The following CACNG2 variants were observed in gnomAD, a reference collection of about 807,000 sequenced individuals.
CACNG2 encodes the protein calcium voltage-gated channel auxiliary subunit gamma 2, also known as voltage-dependent calcium channel gamma-2 subunit.
Under a neutral mutation model 25.9 loss-of-function variants are expected in CACNG2, and 3 were observed. That is an observed-to-expected ratio of 0.12 (90% confidence interval 0.05 to 0.30). The LOEUF (loss-of-function observed/expected upper bound fraction) is 0.30, where lower values mean the gene tolerates loss of function less well. CACNG2 is among the 10% of genes least tolerant of loss of function. The pLI is 1.00. For missense variants in CACNG2, 341 were observed against 432.5 expected (o/e 0.79, Z 1.88); for synonymous variants, 167 against 173.3 (o/e 0.96, Z 0.29).
intron 1 of CACNG2, among the ~76,000 whole-genome samples, chr22:36,605,259 G>C (rs1935813468): frequency 6.6e-6 from 1 of 152,054 alleles, no homozygotes; most frequent in African/African-American, 2.4e-5. Flanking sequence ...GTTTTTAGTA[G>C]AGATGGGGTT....
chr22:36,693,141 G>A (rs758215087), intron 1 of CACNG2, among the ~76,000 whole-genome samples: 1 of 152,108 alleles, frequency 6.6e-6, no homozygotes, highest in Non-Finnish European at 1.5e-5. Context: ...GCGAGACTCT[G>A]TCTAAAAAAA....
intron 2 of CACNG2, among the ~76,000 whole-genome samples, chr22:36,572,898 G>A (rs113000747): frequency 3.0e-4 from 45 of 152,302 alleles, no homozygotes; most frequent in African/African-American, 9.6e-4. Flanking sequence ...AGTGCCCACC[G>A]CTGTGCTAGA....
chr22:36,697,909 T>C (rs1937360679), intron 1 of CACNG2, among the ~76,000 whole-genome samples: 1 of 152,204 alleles, frequency 6.6e-6, no homozygotes, highest in Non-Finnish European at 1.5e-5. Context: ...ATCAATTGGA[T>C]ATTTTTTTTC....
intron 2 of CACNG2, among the ~76,000 whole-genome samples, chr22:36,583,746 C>G (rs1002828572): frequency 6.6e-5 from 10 of 152,124 alleles, no homozygotes; most frequent in African/African-American, 2.4e-4. Flanking sequence ...CCTGGGCTCC[C>G]TGCCTCTGTT....
chr22:36,647,363 G>A (rs950610040), intron 1 of CACNG2, among the ~76,000 whole-genome samples: 6 of 152,046 alleles, frequency 3.9e-5, no homozygotes, highest in African/African-American at 1.4e-4. Flanking sequence ...TGGGAGGCCA[G>A]GGCAGGTGGA....
rs759580928 is a variant in CACNG2, at chr22:36,608,702, CT to C, written c.212-21155del. On this transcript the variant is annotated intron_variant, in intron 1 of 3. Coordinates refer to ENST00000300105, the MANE Select transcript of CACNG2 (RefSeq NM_006078.5). Reference sequence around the variant, plus strand: ...TTGCCTTGGGCAAATTCCTCAACATCTTTTTTTTTTTTTCAAATGAACCTGA... The same window carrying C: ...TTGCCTTGGGCAAATTCCTCAACATCTTTTTTTTTTTTCAAATGAACCTGA... Among the ~76,000 whole-genome samples the C allele has an allele frequency of 2.2e-3, 313 of 142,248 alleles. 1 individual carries two copies. Among genetic ancestry groups the C allele is most frequent in the East Asian group, 3.0e-3 (15 of 4,924 alleles). The allele number at this position is 142,248 out of a possible 152,430, so 93.3% of individuals were successfully genotyped here.
Position 36,606,297 on chromosome 22 carries a change from A to G in CACNG2, c.212-18749T>C, listed in dbSNP as rs1206879229. 6.6e-6 allele frequency among the ~76,000 whole-genome samples: 1 copy of G among 152,250 alleles called. No individual in the cohort carries two copies. Among genetic ancestry groups the G allele is most frequent in the Non-Finnish European group, 1.5e-5 (1 of 68,044 alleles). On this transcript the variant is annotated intron_variant, in intron 1 of 3. Transcript: ENST00000300105. The surrounding 1 kb of genome is among the most constrained non-coding windows in gnomAD (Gnocchi z 5.7). ...CGAGGGCGTTGGCTGGTCGCCGGGAACAAGCTGCCATGAGCCAGGCATGGG... is the reference window on the plus strand; with the variant it reads ...CGAGGGCGTTGGCTGGTCGCCGGGAGCAAGCTGCCATGAGCCAGGCATGGG...
intron 1 of CACNG2, among the ~76,000 whole-genome samples, chr22:36,650,769 C>T (rs1936599201): frequency 6.6e-6 from 1 of 152,210 alleles, no homozygotes; most frequent in African/African-American, 2.4e-5. Context: ...ATCCTTCTGC[C>T]TGGGCCTCCC....
intron 2 of CACNG2, among the ~76,000 whole-genome samples, chr22:36,573,034 G>C (rs957655045): frequency 3.3e-5 from 5 of 152,190 alleles, no homozygotes; most frequent in Non-Finnish European, 7.3e-5. Context: ...AACGTGCTAT[G>C]AAAGAAAAGT....
chr22:36,646,363 C>T (rs1338455785), intron 1 of CACNG2, among the ~76,000 whole-genome samples: 1 of 152,116 alleles, frequency 6.6e-6, no homozygotes, highest in African/African-American at 2.4e-5. Context: ...TACACAGAGG[C>T]AGAACACAAG....
intron 1 of CACNG2, among the ~76,000 whole-genome samples, chr22:36,653,094 G>C (rs1936644211): frequency 6.6e-6 from 1 of 152,202 alleles, no homozygotes. Context: ...GGCCGAGGCG[G>C]GTGGATCACC....
intron 1 of CACNG2, among the ~76,000 whole-genome samples, chr22:36,594,501 T>C (rs1935642792): frequency 6.6e-6 from 1 of 152,008 alleles, no homozygotes; most frequent in Non-Finnish European, 1.5e-5. Context: ...CACGCTGTGG[T>C]GTAGAGGATG....
chr22:36,622,925 C>G (rs1465113788), intron 1 of CACNG2, among the ~76,000 whole-genome samples: 3 of 149,994 alleles, frequency 2.0e-5, no homozygotes, highest in African/African-American at 7.4e-5. Context: ...CGCCATTGCA[C>G]TCCAGCCTGG....
At chr22:36,568,638 C>A (rs1355787513) in intron 2 of CACNG2, among the ~76,000 whole-genome samples, 1 of 152,078 alleles carries the variant, frequency 6.6e-6, no homozygotes, top group East Asian at 1.9e-4. Context: ...CTCCTGACCT[C>A]AAGTGATCTG....
chr22:36,673,024 G>A (rs1219276280), intron 1 of CACNG2, among the ~76,000 whole-genome samples: 2 of 152,176 alleles, frequency 1.3e-5, no homozygotes, highest in Admixed American at 1.3e-4. Flanking sequence ...CCAGGAGTTC[G>A]AGATCAGCCT....
At chr22:36,674,694 G>C (rs1417927468) in intron 1 of CACNG2, among the ~76,000 whole-genome samples, 1 of 152,182 alleles carries the variant, frequency 6.6e-6, no homozygotes, top group Non-Finnish European at 1.5e-5. Context: ...GCCTAATGCA[G>C]AGCATTGAAA....
chr22:36,679,178 C>CT (rs1219551714), intron 1 of CACNG2, among the ~76,000 whole-genome samples: 5 of 129,532 alleles, frequency 3.9e-5, no homozygotes, highest in African/African-American at 1.5e-4. Flanking sequence ...TCCTTCCTTC[C>CT]TTCCTTCCTT....
intron 1 of CACNG2, among the ~76,000 whole-genome samples, chr22:36,696,410 A>G (rs1179173064): frequency 6.6e-6 from 1 of 152,126 alleles, no homozygotes; most frequent in Non-Finnish European, 1.5e-5. Flanking sequence ...TTAGAATGTT[A>G]AAAAAATTAA....
intron 1 of CACNG2, among the ~76,000 whole-genome samples, chr22:36,674,470 A>G (rs751115633): frequency 3.3e-5 from 5 of 152,124 alleles, no homozygotes; most frequent in Non-Finnish European, 5.9e-5. Context: ...CTGGGATTAC[A>G]GACGTGCACC....
Sources: gnomAD v4.1 joint callset for allele counts (sites outside exome capture counted in the v4.1 genomes callset) on GRCh38, gnomAD v4.1.1 for gene constraint, Gnocchi (gnomAD v3.1) non-coding constraint, MANE v1.5 for transcripts, NCBI Gene and HGNC (gene_info 2026-07-23, HGNC 2026-07-21) for gene names.